Variants in SPECC1L observed in about 807,000 individuals in gnomAD.
SPECC1L encodes the protein sperm antigen with calponin homology and coiled-coil domains 1 like.
A neutral mutation model predicts 116.8 loss-of-function variants in SPECC1L; 40 were observed. The ratio of observed to expected loss-of-function variants is 0.34; its 90% CI spans 0.27 to 0.45. SPECC1L has a LOEUF of 0.45. Among genes scored for constraint, SPECC1L ranks in the 20% least tolerant of loss-of-function variants. The pLI is 1.00. For synonymous variants in SPECC1L, 504 were observed against 500.6 expected (o/e 1.01, Z -0.09); for missense variants, 1,110 against 1,373.6 (o/e 0.81, Z 3.03).
chr22:24,383,848 T>C (rs556597672), intron 14 of SPECC1L, among the ~76,000 whole-genome samples: 189 of 139,876 alleles, frequency 1.4e-3, no homozygotes, highest in Middle Eastern at 7.6e-3. Context: ...AGATGGGGTT[T>C]TGCCATGTTG....
intron 2 of SPECC1L, among the ~76,000 whole-genome samples, chr22:24,297,777 A>T (rs2049296150): frequency 6.6e-6 from 1 of 151,630 alleles, no homozygotes; most frequent in African/African-American, 2.4e-5. Flanking sequence ...CACACCTGGA[A>T]GATGAGTCCT....
At chr22:24,332,376 C>T (rs1411009422) in intron 8 of SPECC1L, among the ~76,000 whole-genome samples, 1 of 152,176 alleles carries the variant, frequency 6.6e-6, no homozygotes, top group Non-Finnish European at 1.5e-5. Context: ...TTCCTTACAG[C>T]CAGTCTGTGA....
rs2042796167 is a variant in SPECC1L, at chr22:24,416,099, T to C, written c.*1476T>C. On this transcript the variant is annotated 3_prime_UTR_variant, in exon 17 of 17. Coordinates refer to ENST00000314328, the MANE Select transcript of SPECC1L (RefSeq NM_015330.6). ...AGGCCCAGCCAGCCCGATTGTGGGC[T>C]GAGGGGTCTGCATTCAAGCACGATG... 6.6e-6 allele frequency: 1 copy of C among 152,222 alleles called. No individual in the cohort carries two copies. The highest frequency in any genetic ancestry group is 6.5e-5 in the Admixed American group (1 of 15,286). 9.4% of individuals were successfully genotyped at this position (152,222 alleles called of 1,614,324 possible).
intron 2 of SPECC1L, among the ~76,000 whole-genome samples, chr22:24,281,065 AG>A (rs1237786708): frequency 6.6e-6 from 1 of 152,226 alleles, no homozygotes; most frequent in African/African-American, 2.4e-5. Context: ...AAGCCAAGCC[AG>A]GGAGTTAGAC....
intron 5 of SPECC1L, among the ~76,000 whole-genome samples, chr22:24,323,255 T>C (rs1483198839): frequency 3.9e-5 from 6 of 152,188 alleles, no homozygotes; most frequent in Non-Finnish European, 5.9e-5. Flanking sequence ...TCATCTCGAA[T>C]CTGTTTTGGT....
At chr22:24,328,612 G>A (rs2040875720) in intron 6 of SPECC1L, among the ~76,000 whole-genome samples, 1 of 152,086 alleles carries the variant, frequency 6.6e-6, no homozygotes, top group Non-Finnish European at 1.5e-5. Context: ...AAGATACTGT[G>A]GAAGGAAGTG....
At chr22:24,361,770 T>G (rs2041649301) in intron 11 of SPECC1L, among the ~76,000 whole-genome samples, 1 of 151,724 alleles carries the variant, frequency 6.6e-6, no homozygotes, top group Non-Finnish European at 1.5e-5. Context: ...CACTTCAGCC[T>G]GGACAATAGA....
intron 2 of SPECC1L, among the ~76,000 whole-genome samples, chr22:24,283,744 T>G (rs2048990209): frequency 6.6e-6 from 1 of 152,248 alleles, no homozygotes; most frequent in Non-Finnish European, 1.5e-5. Flanking sequence ...ATCCAATTTC[T>G]TCAATAACTA....
chr22:24,283,351 T>TA (rs1275821467), intron 2 of SPECC1L, among the ~76,000 whole-genome samples: 1 of 152,254 alleles, frequency 6.6e-6, no homozygotes, highest in East Asian at 1.9e-4. Flanking sequence ...GTGCTGGGAT[T>TA]ACAGGCGTGA....
intron 2 of SPECC1L, among the ~76,000 whole-genome samples, chr22:24,277,277 A>G (rs1158577117): frequency 6.6e-6 from 1 of 152,128 alleles, no homozygotes; most frequent in Non-Finnish European, 1.5e-5. Flanking sequence ...AGTCTCCGGT[A>G]CCCTATCACC....
chr22:24,318,049 G>C (rs1409004222), intron 4 of SPECC1L, among the ~76,000 whole-genome samples: 1 of 151,056 alleles, frequency 6.6e-6, no homozygotes. Flanking sequence ...TGGGCAGCCA[G>C]GCAGAGGGGC....
intron 14 of SPECC1L, among the ~76,000 whole-genome samples, chr22:24,388,733 A>C (rs560210597): frequency 6.6e-6 from 1 of 152,340 alleles, no homozygotes; most frequent in South Asian, 2.1e-4. Flanking sequence ...AAACATGTTC[A>C]TAAGTTCCAG....
chr22:24,289,634 C>T (rs1214474451), intron 2 of SPECC1L, among the ~76,000 whole-genome samples: 1 of 151,070 alleles, frequency 6.6e-6, no homozygotes, highest in South Asian at 2.1e-4. Context: ...TTGGCCAAAA[C>T]AAGTGGGAAT....
At chr22:24,394,946 T>G (rs1323913927) in intron 14 of SPECC1L, among the ~76,000 whole-genome samples, 1 of 152,136 alleles carries the variant, frequency 6.6e-6, no homozygotes, top group Non-Finnish European at 1.5e-5. Flanking sequence ...CCCTCCCACC[T>G]CAGCCTCCAA....
At chr22:24,345,691 A>C (rs1392175108) in intron 10 of SPECC1L, among the ~76,000 whole-genome samples, 1 of 152,208 alleles carries the variant, frequency 6.6e-6, no homozygotes, top group Non-Finnish European at 1.5e-5. Flanking sequence ...GGAAAATGGA[A>C]ATTAAATCCA....
At chr22:24,334,688 A>G in intron 9 of SPECC1L, 115 bp downstream of exon 9, 1 of 1,148,536 alleles carries the variant, frequency 8.7e-7, no homozygotes, top group African/African-American at 1.5e-5. Flanking sequence ...ATTAACTTTC[A>G]TATAGTATTA....
At chr22:24,412,232 C>T (rs1049753312) in intron 15 of SPECC1L, 8 of 361,582 alleles carry the variant, frequency 2.2e-5, no homozygotes, top group Admixed American at 1.2e-4. Flanking sequence ...GGAGAGGATC[C>T]AGGCCCGCAG....
Position 24,393,558 on chromosome 22 carries a change from C to T in SPECC1L, c.3088-18030C>T, listed in dbSNP as rs534416119. Among the ~76,000 whole-genome samples, 14 of 152,260 alleles carry T rather than the reference C, an allele frequency of 9.2e-5. No individual in the cohort carries two copies. The South Asian group carries it at 1.0e-3, about 11-fold the overall frequency. On this transcript the variant is annotated intron_variant, in intron 14 of 16. Coordinates refer to ENST00000314328, the MANE Select transcript of SPECC1L (RefSeq NM_015330.6). ...TGTGCCTGGACTGTATCCAGTTCTG[C>T]CATGGTTTATACCTGTACTACATTC...
chr22:24,337,945 A>G (rs2041094686), intron 9 of SPECC1L, among the ~76,000 whole-genome samples: 1 of 152,144 alleles, frequency 6.6e-6, no homozygotes, highest in Non-Finnish European at 1.5e-5. Context: ...TGCAGGAGGA[A>G]TTGAGGAAAG....
Sources: allele counts gnomAD v4.1 joint callset (sites outside exome capture counted in the v4.1 genomes callset), GRCh38; gene constraint gnomAD v4.1.1; transcripts MANE v1.5; gene names NCBI Gene and HGNC (gene_info 2026-07-23, HGNC 2026-07-21).